The following APLP2 variants were observed in gnomAD, a reference collection of about 807,000 sequenced individuals.
APLP2 encodes the protein amyloid beta precursor like protein 2.
Under a neutral mutation model 89.9 loss-of-function variants are expected in APLP2, and 53 were observed. That is an observed-to-expected ratio of 0.59 (90% CI 0.47 to 0.74). APLP2 has a LOEUF of 0.74. Ranked by LOEUF, APLP2 falls within the 30% of genes least tolerant of loss-of-function variation. The probability of loss-of-function intolerance (pLI) is 0.00; values close to 1 mark genes in which losing one functional copy is unlikely to be tolerated. For synonymous variants in APLP2, 372 were observed against 348.6 expected, an observed-to-expected ratio of 1.07 and a Z score of -0.75; for missense variants, 973 against 975.9, an observed-to-expected ratio of 1.00 and a Z score of 0.04.
intron 13 of APLP2, chr11:130,137,404 C>T: frequency 2.0e-6 from 2 of 1,011,914 alleles, no homozygotes; most frequent in African/African-American, 1.6e-5. Flanking sequence ...CACCTCATTC[C>T]TTCTGACACG....
intron 1 of APLP2, among the ~76,000 whole-genome samples, chr11:130,099,131 C>T (rs1315168819): frequency 6.6e-6 from 1 of 152,140 alleles, no homozygotes; most frequent in Non-Finnish European, 1.5e-5. Flanking sequence ...ATTCTGAGGC[C>T]TCCTGCCTTC....
rs138858349 is a variant in APLP2, at chr11:130,130,284, G to A, written c.1584+118G>A. The A allele has an allele frequency of 2.3e-3, 3,178 of 1,381,926 alleles. 9 individuals carry two copies. Among genetic ancestry groups the A allele is most frequent in the Non-Finnish European group, 2.9e-3 (2,874 of 997,950 alleles). The allele number at this position is 1,381,926 out of a possible 1,614,324, so 85.6% of individuals were successfully genotyped here. A position where few individuals can be genotyped will look rare whatever the true frequency, so the allele number is the denominator to read the frequency against. On this transcript the variant is annotated intron_variant, in intron 11 of 16. Transcript: ENST00000338167. ...CATTTGCTACTAGTCCTTAGAAAAT[G>A]AGTTTTGATTTCCGAAGACATTCGG... is the stretch of plus-strand genomic sequence containing the variant.
chr11:130,111,608 C>A (rs1461600385), intron 3 of APLP2, among the ~76,000 whole-genome samples: 1 of 152,154 alleles, frequency 6.6e-6, no homozygotes, highest in Non-Finnish European at 1.5e-5. Context: ...AAGCGGTGCC[C>A]CTGAACAACA....
chr11:130,140,295 G>T lies in APLP2; in HGVS notation c.1838-103G>T, dbSNP rs541699433. On this transcript the variant is annotated intron_variant, in intron 13 of 16. Transcript: ENST00000338167. ...AGATGAGTCGCGTGGGGAGGTGCGT[G>T]TTGAGGGGCTCACTGGCCCTCAGGA... 1.0e-5 allele frequency: 8 copies of T among 800,284 alleles called. No homozygotes were observed. In the East Asian group the frequency reaches 1.6e-4, roughly 16 times the overall value. 49.6% of individuals were successfully genotyped at this position (800,284 alleles called of 1,614,324 possible). A position where few individuals can be genotyped will look rare whatever the true frequency, so the allele number is the denominator to read the frequency against.
chr11:130,097,089 A>T lies in APLP2; in HGVS notation c.106-12340A>T, dbSNP rs571648455. 4.6e-5 allele frequency among the ~76,000 whole-genome samples: 7 copies of T among 152,376 alleles called. No individual in the cohort carries two copies. The South Asian group carries it at 1.4e-3, about 32-fold the overall frequency. ...TTTAAATTTAAATGCCACATAAATC[A>T]CAGGAAAGATGTCTTTTAACTTGCT... On this transcript the variant is annotated intron_variant, in intron 1 of 16. Transcript: ENST00000338167.
At chr11:130,115,844 G>A (rs573234895) in intron 3 of APLP2, among the ~76,000 whole-genome samples, 5 of 152,272 alleles carry the variant, frequency 3.3e-5, no homozygotes, top group Non-Finnish European at 7.3e-5. Context: ...GGATTGAAAT[G>A]TGTTTCCTCT....
At chr11:130,113,067 G>A (rs143548379) in intron 3 of APLP2, among the ~76,000 whole-genome samples, 2 of 152,216 alleles carry the variant, frequency 1.3e-5, no homozygotes, top group Non-Finnish European at 2.9e-5. Flanking sequence ...CCTTGCTGTT[G>A]CCATCGCACT....
At chr11:130,128,745 G>A (rs376707860) in intron 9 of APLP2, among the ~76,000 whole-genome samples, 6 of 152,176 alleles carry the variant, frequency 3.9e-5, no homozygotes, top group East Asian at 3.8e-4. Flanking sequence ...TTTTTTTATA[G>A]TGCATATTGA....
intron 1 of APLP2, chr11:130,109,128 A>G (rs2054248): frequency 0.024 from 4,242 of 177,034 alleles, 228 homozygotes; most frequent in East Asian, 0.24. Context: ...CAGCACACCA[A>G]CATGGCACAT....
intron 1 of APLP2, among the ~76,000 whole-genome samples, chr11:130,073,790 C>A (rs921376364): frequency 5.3e-5 from 8 of 152,196 alleles, no homozygotes; most frequent in African/African-American, 1.7e-4. Flanking sequence ...CGAGATCACA[C>A]CACTGCACTC....
In APLP2 at chr11:130,141,768, C is replaced by T. The variant is rs539704984; in HGVS notation, c.1999-151C>T. 4.0e-6 allele frequency: 4 copies of T among 1,005,594 alleles called. No individual in the cohort carries two copies. The African/African-American group carries it at 6.5e-5, about 16-fold the overall frequency. 62.3% of individuals were successfully genotyped at this position (1,005,594 alleles called of 1,614,324 possible). On this transcript the variant is annotated intron_variant, in intron 15 of 16. Coordinates refer to ENST00000338167, the MANE Select transcript of APLP2 (RefSeq NM_001142276.2). This position sits in a 1 kb window ranked among gnomAD's most constrained non-coding sequence, Gnocchi z 4.2. ...GATTGGGAAGAGTGGGCGTTCTCCA[C>T]CTGTGGGTGGTTCCCTGCAAAGCAG...
chr11:130,095,530 A>G (rs1202306719), intron 1 of APLP2, among the ~76,000 whole-genome samples: 1 of 152,226 alleles, frequency 6.6e-6, no homozygotes, highest in African/African-American at 2.4e-5. Flanking sequence ...AAATGTGGAG[A>G]TAAAGAGCAG....
chr11:130,121,638 T>TTATA lies in APLP2; in HGVS notation c.544_547dup (p.Ser183IlefsTer2). The TTATA allele has an allele frequency of 6.2e-7, 1 of 1,614,126 alleles. No individual in the cohort carries two copies. The highest frequency in any genetic ancestry group is 8.5e-7 in the Non-Finnish European group (1 of 1,179,996). ...GGCATGTCTGACTCAGGGAATGACC[T>TTATA]TATATAGCTACGGCATGCTGCTCCC... On this transcript the variant is annotated frameshift_variant, in exon 5 of 17. Transcript: ENST00000338167. LOFTEE classifies it high-confidence loss of function.
chr11:130,094,479 G>A (rs12578048), intron 1 of APLP2, among the ~76,000 whole-genome samples: 15,341 of 152,158 alleles, frequency 0.1, 1,184 homozygotes, highest in African/African-American at 0.21. Flanking sequence ...GTGAGCCACC[G>A]CACCTGGCCG....
intron 7 of APLP2, among the ~76,000 whole-genome samples, chr11:130,124,846 T>G (rs576182804): frequency 6.6e-6 from 1 of 152,220 alleles, no homozygotes; most frequent in Non-Finnish European, 1.5e-5. Flanking sequence ...GAATAAACTT[T>G]GCGTTTTCAG....
chr11:130,122,783 T>G (rs1272018312), intron 6 of APLP2, among the ~76,000 whole-genome samples: 2 of 152,156 alleles, frequency 1.3e-5, no homozygotes, highest in Non-Finnish European at 2.9e-5. Flanking sequence ...TTCAGCAGGA[T>G]TCTTCCACAT....
chr11:130,080,175 G>A (rs1435883048), intron 1 of APLP2, among the ~76,000 whole-genome samples: 1 of 152,016 alleles, frequency 6.6e-6, no homozygotes, highest in African/African-American at 2.4e-5. Flanking sequence ...AAAGTTAATA[G>A]CCTCCTAAGT....
chr11:130,091,821 A>ACC (rs1344663253), intron 1 of APLP2, among the ~76,000 whole-genome samples: 274 of 110,284 alleles, frequency 2.5e-3, no homozygotes, highest in African/African-American at 9.0e-3. Context: ...CGGGGGGCTG[A>ACC]CCCCCCCCCA....
At position 130,123,530 on chromosome 11, in the gene APLP2, C is replaced by T; in HGVS notation, c.923-82C>T. On this transcript the variant is annotated intron_variant, in intron 6 of 16. Coordinates refer to ENST00000338167, the MANE Select transcript of APLP2 (RefSeq NM_001142276.2). The surrounding 1 kb of genome is among the most constrained non-coding windows in gnomAD (Gnocchi z 4.0). ...GTCTCAGGCCTCCCCCAGCCCATCC[C>T]CCAGCTCGCCAGCCTGTAGCATTTT... 2.1e-6 allele frequency: 3 copies of T among 1,461,422 alleles called. No individual in the cohort carries two copies. The highest frequency in any genetic ancestry group is 2.8e-6 in the Non-Finnish European group (3 of 1,081,384). The allele number at this position is 1,461,422 out of a possible 1,614,324, so 90.5% of individuals were successfully genotyped here.
Sources: allele counts gnomAD v4.1 joint callset (sites outside exome capture counted in the v4.1 genomes callset), GRCh38; gene constraint gnomAD v4.1.1; non-coding constraint Gnocchi (gnomAD v3.1); transcripts MANE v1.5; gene names NCBI Gene and HGNC (gene_info 2026-07-23, HGNC 2026-07-21).